Variants in DGKI observed in about 807,000 individuals in gnomAD.
DGKI encodes diacylglycerol kinase iota, also known as DAG kinase iota.
DGKI carries 55 observed loss-of-function variants against 147.5 expected under a neutral mutation model. The ratio of observed to expected loss-of-function variants is 0.37; its 90% CI spans 0.30 to 0.47. DGKI has a LOEUF of 0.47. DGKI is among the 20% of genes least tolerant of loss of function. DGKI has a pLI of 1.00. For synonymous variants in DGKI, 469 were observed against 477.1 expected, an observed-to-expected ratio of 0.98 and a Z score of 0.22; for missense variants, 1,007 against 1,323.8, an observed-to-expected ratio of 0.76 and a Z score of 3.71.
intron 1 of DGKI, among the ~76,000 whole-genome samples, chr7:137,719,409 G>T (rs1794478911): frequency 6.6e-6 from 1 of 151,854 alleles, no homozygotes; most frequent in Non-Finnish European, 1.5e-5. Flanking sequence ...ATATCTCCAC[G>T]TCCCCCTGGA....
chr7:137,470,909 A>G (rs1388829248), intron 23 of DGKI, among the ~76,000 whole-genome samples: 3 of 152,144 alleles, frequency 2.0e-5, no homozygotes, highest in Non-Finnish European at 4.4e-5. Context: ...TCCCTGACTT[A>G]CTACAATTCT....
At chr7:137,564,013 T>G (rs1457215871) in intron 19 of DGKI, among the ~76,000 whole-genome samples, 1 of 152,094 alleles carries the variant, frequency 6.6e-6, no homozygotes, top group East Asian at 1.9e-4. Context: ...TATTACCAGA[T>G]TCAAGGGTTA....
At chr7:137,820,497 G>A (rs970217573) in intron 1 of DGKI, among the ~76,000 whole-genome samples, 2 of 152,228 alleles carry the variant, frequency 1.3e-5, no homozygotes, top group Admixed American at 6.5e-5. Flanking sequence ...GGAGCACTCA[G>A]GTGAACAGTT....
In DGKI at chr7:137,587,145, A is replaced by C; in HGVS notation, c.1377T>G (p.Leu459=). The change falls in exon 13 of 33, where the codon CTT becomes CTG. Residue 459 remains leucine, a synonymous_variant. Transcript: ENST00000614521. ...QLSPQPPVGV[L]PLGTGNDLAR... is the part of the protein sequence containing the mutation. ...CCAGGTCATTCCCAGTCCCCAGAGG[A>C]AGGACCCCCACAGGAGGCTGAGGGC... 1.2e-6 allele frequency: 2 copies of C among 1,612,786 alleles called. No individual in the cohort carries two copies. Among genetic ancestry groups the C allele is most frequent in the Non-Finnish European group, 1.7e-6 (2 of 1,179,498 alleles).
chr7:137,717,773 C>T (rs1794423608), intron 1 of DGKI, among the ~76,000 whole-genome samples: 1 of 152,136 alleles, frequency 6.6e-6, no homozygotes, highest in African/African-American at 2.4e-5. Flanking sequence ...GGAACAAGAG[C>T]ATGCTTTACC....
chr7:137,846,155 TCTCTCTCACA>T lies in DGKI; in HGVS notation c.401+297_401+306del, dbSNP rs1302409090. ...CTCTTTCTCTCTCTCTCTCTCTCTCTCTCTCTCACACACACACACACACACACACACACAC... is the reference window on the plus strand; with the variant it reads ...CTCTTTCTCTCTCTCTCTCTCTCTCTCACACACACACACACACACACACAC... On this transcript the variant is annotated intron_variant, in intron 1 of 32. Coordinates refer to ENST00000614521, the MANE Select transcript of DGKI (RefSeq NM_001321708.2). This position sits in a 1 kb window ranked among gnomAD's most constrained non-coding sequence, Gnocchi z 4.0. 7.1e-6 allele frequency among the ~76,000 whole-genome samples: 1 copy of T among 139,880 alleles called. No individual in the cohort carries two copies. Among genetic ancestry groups the T allele is most frequent in the South Asian group, 2.3e-4 (1 of 4,426 alleles). 91.8% of individuals were successfully genotyped at this position (139,880 alleles called of 152,430 possible).
At chr7:137,558,096 C>T (rs535217517) in intron 19 of DGKI, among the ~76,000 whole-genome samples, 1 of 152,302 alleles carries the variant, frequency 6.6e-6, no homozygotes, top group East Asian at 1.9e-4. Flanking sequence ...TTGATATACT[C>T]AGCTAGTCAC....
intron 8 of DGKI, among the ~76,000 whole-genome samples, chr7:137,618,059 C>T (rs1415301800): frequency 2.2e-5 from 3 of 138,318 alleles, no homozygotes; most frequent in Non-Finnish European, 3.1e-5. Context: ...AGTGTGTCTG[C>T]GGACTTCCAA....
intron 4 of DGKI, among the ~76,000 whole-genome samples, chr7:137,655,425 C>A (rs1378154424): frequency 4.6e-5 from 7 of 152,144 alleles, no homozygotes; most frequent in Non-Finnish European, 1.0e-4. Context: ...GTCTCCATCT[C>A]CTGACCTCGT....
At chr7:137,431,027 A>G in intron 28 of DGKI, among the ~76,000 whole-genome samples, 1 of 152,102 alleles carries the variant, frequency 6.6e-6, no homozygotes. Flanking sequence ...CTCTTCCCCA[A>G]AGAGAACTAG....
At chr7:137,420,466 A>G (rs1326766871) in intron 28 of DGKI, among the ~76,000 whole-genome samples, 2 of 152,200 alleles carry the variant, frequency 1.3e-5, no homozygotes, top group East Asian at 1.9e-4. Context: ...TTGACTTGTC[A>G]GTGTTGGGAA....
chr7:137,644,872 C>T (rs1821770424), intron 6 of DGKI, among the ~76,000 whole-genome samples: 1 of 152,170 alleles, frequency 6.6e-6, no homozygotes, highest in Non-Finnish European at 1.5e-5. Context: ...GAATCTATGG[C>T]ATTTAATAGT....
rs1259753658 is a variant in DGKI at position 137,487,653 on chromosome 7, C to T, written c.2285G>A (p.Cys762Tyr). ...GTACATACGGCAAGTCTCCAAATCA[C>T]AGTCTCCACGCACAACTAGAATACC... is the stretch of plus-strand genomic sequence containing the variant. ...PLGILVVRGD[C>Y]DLETCRMYID... The change falls in exon 22 of 33, where the codon TGT becomes TAT. Residue 762 changes from cysteine to tyrosine, a missense_variant. Physicochemically the swap from Cys to Tyr is radical, Grantham distance 194. Coordinates refer to ENST00000614521, the MANE Select transcript of DGKI (RefSeq NM_001321708.2). 6.2e-7 allele frequency: 1 copy of T among 1,613,812 alleles called. No individual in the cohort carries two copies.
At chr7:137,727,497 A>C (rs1445998710) in intron 1 of DGKI, among the ~76,000 whole-genome samples, 14 of 152,190 alleles carry the variant, frequency 9.2e-5, no homozygotes, top group Non-Finnish European at 1.5e-5. Context: ...ATTCTGATCA[A>C]ATGCAAAAGA....
At chr7:137,621,217 A>G (rs1400199686) in intron 7 of DGKI, among the ~76,000 whole-genome samples, 3 of 152,216 alleles carry the variant, frequency 2.0e-5, no homozygotes, top group Non-Finnish European at 4.4e-5. Context: ...CTGCAAACAA[A>G]TATACCAGAT....
At chr7:137,678,460 G>T (rs1823113045) in intron 3 of DGKI, 97 bp downstream of exon 3, 3 of 1,151,980 alleles carry the variant, frequency 2.6e-6, no homozygotes, top group Non-Finnish European at 3.9e-6. Context: ...ACAAGGACAG[G>T]CTCGTTCAAA....
At chr7:137,539,248 G>C (rs1817612336) in intron 20 of DGKI, among the ~76,000 whole-genome samples, 1 of 152,108 alleles carries the variant, frequency 6.6e-6, no homozygotes, top group South Asian at 2.1e-4. Context: ...GGTTGGCCCT[G>C]GACATGAACA....
At chr7:137,804,112 C>T (rs1797293979) in intron 1 of DGKI, among the ~76,000 whole-genome samples, 1 of 152,136 alleles carries the variant, frequency 6.6e-6, no homozygotes, top group African/African-American at 2.4e-5. Context: ...ATCTCCAGTA[C>T]CCAGCAAATG....
intron 21 of DGKI, among the ~76,000 whole-genome samples, chr7:137,509,594 G>GGAGAGA (rs1816506758): frequency 6.6e-6 from 1 of 152,136 alleles, no homozygotes; most frequent in African/African-American, 2.4e-5. Context: ...CAAAGAAGGC[G>GGAGAGA]GCAGCAGAGA....
Sources: gnomAD v4.1 joint callset for allele counts (sites outside exome capture counted in the v4.1 genomes callset) on GRCh38, gnomAD v4.1.1 for gene constraint, Gnocchi (gnomAD v3.1) non-coding constraint, MANE v1.5 for transcripts, NCBI Gene and HGNC (gene_info 2026-07-23, HGNC 2026-07-21) for gene names.